Variants in CTNNA3 observed in about 807,000 individuals in gnomAD.
CTNNA3 encodes catenin alpha 3.
CTNNA3 carries 76 observed loss-of-function variants against 95.7 expected under a neutral mutation model. That is an observed-to-expected ratio of 0.79 (90% CI 0.66 to 0.96). CTNNA3 has a LOEUF of 0.96. CTNNA3 is among the 40% of genes least tolerant of loss of function. The probability of loss-of-function intolerance (pLI) is 0.00; values close to 1 mark genes in which losing one functional copy is unlikely to be tolerated. For missense variants in CTNNA3, 1,191 were observed against 1,089.8 expected, an observed-to-expected ratio of 1.09 and a Z score of -1.31; for synonymous variants, 431 against 374.4, an observed-to-expected ratio of 1.15 and a Z score of -1.74.
chr10:66,237,173 A>G (rs2089896250), intron 13 of CTNNA3, among the ~76,000 whole-genome samples: 1 of 152,140 alleles, frequency 6.6e-6, no homozygotes. Context: ...CTAAATCTAT[A>G]TCCACAATTA....
At chr10:66,517,221 A>AAAAT (rs113815216) in intron 11 of CTNNA3, among the ~76,000 whole-genome samples, 1,550 of 152,052 alleles carry the variant, frequency 0.01, 13 homozygotes, top group South Asian at 0.026. Context: ...ACTCTGTCTC[A>AAAAT]AAATAAATAA....
chr10:66,698,487 C>CA (rs34516749), intron 9 of CTNNA3, among the ~76,000 whole-genome samples: 27,081 of 151,962 alleles, frequency 0.18, 3,049 homozygotes, highest in East Asian at 0.33. Context: ...GCACTGATTA[C>CA]AAAAAAATGT....
intron 15 of CTNNA3, among the ~76,000 whole-genome samples, chr10:66,068,131 G>A (rs949557282): frequency 6.6e-6 from 1 of 152,024 alleles, no homozygotes; most frequent in Non-Finnish European, 1.5e-5. Flanking sequence ...AAATTTGATA[G>A]ATTTAAAATA....
In CTNNA3 at chr10:66,027,432, G is replaced by A. The variant is rs150874384; in HGVS notation, c.2160-38635C>T. ...ACAACAACTAAAAGCTTAAATGTCT[G>A]TCTCTCCCTGTGCTCACCCTATGTG... On this transcript the variant is annotated intron_variant, in intron 15 of 17. Transcript: ENST00000433211. 7.8e-3 allele frequency among the ~76,000 whole-genome samples: 1,188 copies of A among 152,194 alleles called. 12 individuals carry two copies. The highest frequency in any genetic ancestry group is 0.027 in the African/African-American group (1,129 of 41,534).
intron 7 of CTNNA3, among the ~76,000 whole-genome samples, chr10:66,922,533 C>T (rs1196451450): frequency 6.6e-6 from 1 of 152,138 alleles, no homozygotes; most frequent in African/African-American, 2.4e-5. Flanking sequence ...GGATAATCTT[C>T]CCTCTTCAAA....
At chr10:66,340,375 T>C (rs1462989955) in intron 12 of CTNNA3, among the ~76,000 whole-genome samples, 1 of 151,842 alleles carries the variant, frequency 6.6e-6, no homozygotes, top group Non-Finnish European at 1.5e-5. Flanking sequence ...ACACAGCTAA[T>C]CCCTTGGGTG....
At chr10:67,380,480 T>C (rs1251104091) in intron 5 of CTNNA3, among the ~76,000 whole-genome samples, 1 of 152,186 alleles carries the variant, frequency 6.6e-6, no homozygotes, top group Non-Finnish European at 1.5e-5. Flanking sequence ...ATTCAACAAA[T>C]ATGCATTGAG....
chr10:67,049,095 C>G (rs1220125078), intron 7 of CTNNA3, among the ~76,000 whole-genome samples: 1 of 149,796 alleles, frequency 6.7e-6, no homozygotes, highest in Non-Finnish European at 1.5e-5. Flanking sequence ...ACATTTATAA[C>G]TTGTGGTCTA....
chr10:67,726,028 A>G lies in CTNNA3; in HGVS notation c.-2+37406T>C, dbSNP rs1416823327. Among the ~76,000 whole-genome samples the G allele has an allele frequency of 2.8e-3, 372 of 132,902 alleles. 3 individuals are homozygous for G. Among genetic ancestry groups the G allele is most frequent in the African/African-American group, 1.0e-2 (356 of 35,640 alleles). The allele number at this position is 132,902 out of a possible 152,430, so 87.2% of individuals were successfully genotyped here. On this transcript the variant is annotated intron_variant, in intron 1 of 17. Transcript: ENST00000684154. The stretch of plus-strand genomic sequence containing the variant: ...TATATCTAAATCCACATATTTATAA[A>G]TGGAATTCTATTATATACAATTATT...
At chr10:66,937,158 T>G (rs1847754078) in intron 7 of CTNNA3, among the ~76,000 whole-genome samples, 1 of 152,052 alleles carries the variant, frequency 6.6e-6, no homozygotes, top group Admixed American at 6.6e-5. Context: ...AGAGACAACT[T>G]TGTATACCAG....
At chr10:67,170,321 G>T (rs1050799772) in intron 7 of CTNNA3, among the ~76,000 whole-genome samples, 1 of 152,026 alleles carries the variant, frequency 6.6e-6, no homozygotes, top group Admixed American at 6.6e-5. Context: ...ACATGTACAC[G>T]AATGTTCATT....
At chr10:67,691,406 G>A (rs1319045815) in intron 1 of CTNNA3, among the ~76,000 whole-genome samples, 2 of 151,748 alleles carry the variant, frequency 1.3e-5, no homozygotes, top group Non-Finnish European at 2.9e-5. Context: ...TGGAAAGTGA[G>A]GAGCGTCTCT....
At chr10:67,360,416 G>GAA (rs74859730) in intron 5 of CTNNA3, among the ~76,000 whole-genome samples, 45 of 99,294 alleles carry the variant, frequency 4.5e-4, no homozygotes, top group East Asian at 2.9e-3. Flanking sequence ...GAGCAAGCAG[G>GAA]AAAAAAAAAA....
chr10:66,673,509 G>A (rs998467644), intron 9 of CTNNA3, among the ~76,000 whole-genome samples: 17 of 151,930 alleles, frequency 1.1e-4, no homozygotes, highest in African/African-American at 3.1e-4. Context: ...TAATACACCA[G>A]GCTTGCTCCA....
At chr10:66,841,691 CTATG>C (rs1843069868) in intron 7 of CTNNA3, among the ~76,000 whole-genome samples, 1 of 152,106 alleles carries the variant, frequency 6.6e-6, no homozygotes, top group Admixed American at 6.6e-5. Flanking sequence ...AAAGCATTCT[CTATG>C]TAATGAGTGA....
chr10:66,334,893 A>C (rs2092376989), intron 12 of CTNNA3, among the ~76,000 whole-genome samples: 1 of 152,010 alleles, frequency 6.6e-6, no homozygotes. Flanking sequence ...TTGGTCTTTC[A>C]CATAGTTCCA....
intron 3 of CTNNA3, among the ~76,000 whole-genome samples, chr10:67,561,803 G>C (rs1429726942): frequency 6.6e-6 from 1 of 151,938 alleles, no homozygotes; most frequent in Admixed American, 6.6e-5. Context: ...ATGATAAAGG[G>C]GATATCACCG....
At chr10:65,962,480 G>A (rs765086914) in intron 17 of CTNNA3, among the ~76,000 whole-genome samples, 1 of 151,982 alleles carries the variant, frequency 6.6e-6, no homozygotes. Context: ...CCTCAGAATT[G>A]TTCCTTGTAT....
At chr10:66,633,536 C>T (rs1484738982) in intron 9 of CTNNA3, among the ~76,000 whole-genome samples, 5 of 151,848 alleles carry the variant, frequency 3.3e-5, no homozygotes, top group Admixed American at 1.3e-4. Context: ...AAAAATTAGC[C>T]GGGTGTGGTG....
Sources: gnomAD v4.1 joint callset for allele counts (sites outside exome capture counted in the v4.1 genomes callset) on GRCh38, gnomAD v4.1.1 for gene constraint, MANE v1.5 for transcripts, NCBI Gene and HGNC (gene_info 2026-07-23, HGNC 2026-07-21) for gene names.